The following DCAF10 variants were observed in gnomAD, a reference collection of about 807,000 sequenced individuals.
The protein encoded by DCAF10 is DDB1- and CUL4-associated factor 10.
A neutral mutation model predicts 51.9 loss-of-function variants in DCAF10; 19 were observed. The observed-to-expected ratio is 0.37, with a 90% CI of 0.26 to 0.54. The LOEUF is 0.54. DCAF10 is among the 20% of genes least tolerant of loss of function. The pLI, the probability that DCAF10 is intolerant of heterozygous loss-of-function variation, is 0.87. For missense variants in DCAF10, 510 were observed against 730.6 expected (o/e 0.70, Z 3.48); for synonymous variants, 291 against 297.1 (o/e 0.98, Z 0.21).
chr9:37,806,009 G>A (rs113755363), intron 1 of DCAF10, among the ~76,000 whole-genome samples: 19,493 of 152,166 alleles, frequency 0.13, 1,413 homozygotes, highest in Non-Finnish European at 0.16. Context: ...ACTTGAGCTC[G>A]GAAGGTGGAG....
rs1395497734 is a variant in DCAF10 at position 37,867,348 on chromosome 9, TCTCC to T, written c.*5844_*5847del. ...GGTAGATTTTCAGCTTTCTTAAGTT[TCTCC>T]CTCATTTAGATTTCATGGTTTTTAC... On this transcript the variant is annotated 3_prime_UTR_variant, in exon 7 of 7. Transcript: ENST00000377724. 2.6e-5 allele frequency: 4 copies of T among 152,162 alleles called. No individual in the cohort carries two copies. Among genetic ancestry groups the T allele is most frequent in the Admixed American group, 2.6e-4 (4 of 15,262 alleles). The allele number at this position is 152,162 out of a possible 1,614,324, so 9.4% of individuals were successfully genotyped here. A position where few individuals can be genotyped will look rare whatever the true frequency, so the allele number is the denominator to read the frequency against.
At chr9:37,847,518 A>C (rs1830514941) in intron 3 of DCAF10, among the ~76,000 whole-genome samples, 1 of 152,184 alleles carries the variant, frequency 6.6e-6, no homozygotes. Flanking sequence ...TTGTGATAAA[A>C]CTAGGCATAA....
In DCAF10 at chr9:37,860,151, G is replaced by C. The variant is rs1158545188; in HGVS notation, c.1269G>C (p.Trp423Cys). 6.2e-7 allele frequency: 1 copy of C among 1,613,918 alleles called. No homozygotes were observed. The highest frequency in any genetic ancestry group is 2.2e-5 in the East Asian group (1 of 44,886). ...ITSLQLHPKG[W>C]ATLLRCSSNS... ...CCTTACAGCTGCACCCAAAAGGCTG[G>C]GCCACTCTTCTTCGGTGCTCAAGCA... The change falls in exon 6 of 7, where the codon TGG becomes TGC. Residue 423 changes from tryptophan (W) to cysteine (C), a missense_variant. Trp to Cys is a radical substitution (Grantham distance 215). Transcript: ENST00000377724.
upstream of DCAF10, chr9:37,800,779 C>G: frequency 2.0e-6 from 3 of 1,521,568 alleles, no homozygotes; most frequent in Middle Eastern, 1.8e-4. Context: ...GGTTAGGCCG[C>G]TGCACGCCGG....
chr9:37,818,355 T>C (rs1829606444), intron 1 of DCAF10, among the ~76,000 whole-genome samples: 2 of 152,212 alleles, frequency 1.3e-5, no homozygotes, highest in Admixed American at 1.3e-4. Flanking sequence ...TTGTTCTGAA[T>C]AGAAAAGTTT....
intron 3 of DCAF10, among the ~76,000 whole-genome samples, chr9:37,851,017 G>A (rs926664063): frequency 2.0e-5 from 3 of 151,418 alleles, no homozygotes; most frequent in African/African-American, 7.3e-5. Context: ...GCCAAGGCGG[G>A]TGGATCATTT....
At chr9:37,823,355 T>TAAATC (rs1469675006) in intron 2 of DCAF10, among the ~76,000 whole-genome samples, 1 of 152,146 alleles carries the variant, frequency 6.6e-6, no homozygotes, top group East Asian at 1.9e-4. Context: ...AGAGAAAATC[T>TAAATC]TAGAAGCCAC....
chr9:37,857,363 G>A lies in DCAF10; in HGVS notation c.1165+12G>A, dbSNP rs774215644. 6.3e-7 allele frequency: 1 copy of A among 1,577,544 alleles called. No individual in the cohort carries two copies. ...CTCTCAAAGAGAAGGTAGGTTAAAA[G>A]TTGGATTTTATAATCTTGTAACAAC... is the stretch of plus-strand genomic sequence containing the variant. On this transcript the variant is annotated intron_variant, in intron 5 of 6. Transcript: ENST00000377724.
At chr9:37,842,549 G>A (rs1830364480) in intron 3 of DCAF10, among the ~76,000 whole-genome samples, 1 of 152,124 alleles carries the variant, frequency 6.6e-6, no homozygotes, top group Non-Finnish European at 1.5e-5. Flanking sequence ...TGAATTTAAG[G>A]AAAAATATTT....
intron 1 of DCAF10, among the ~76,000 whole-genome samples, chr9:37,805,901 A>G (rs1829099718): frequency 6.6e-6 from 1 of 152,144 alleles, no homozygotes; most frequent in South Asian, 2.1e-4. Flanking sequence ...CCTGGGCAAC[A>G]TAAGGAGACC....
intron 2 of DCAF10, among the ~76,000 whole-genome samples, chr9:37,840,660 T>C (rs1163790600): frequency 5.9e-5 from 9 of 152,204 alleles, no homozygotes; most frequent in Non-Finnish European, 1.3e-4. Flanking sequence ...AATTTATTAC[T>C]GATGAAAAAT....
In DCAF10 at chr9:37,801,221, C is replaced by T; in HGVS notation, c.355C>T (p.Pro119Ser). ...CGGCCTCGGCGCGGGCCTGGGCGGC[C>T]CTGGCGCTAGGCTGTTCGGGTGGCT... Reference protein sequence around the residue: ...RHGLGAGLGGPGARLFGWLKE... With the variant: ...RHGLGAGLGGSGARLFGWLKE... Residue 119 changes from proline (P) to serine (S), a missense_variant, in exon 1 of 7, where the codon CCT becomes TCT. By Grantham distance (74) the Pro-to-Ser change is moderately conservative. Around this residue, in one of 4 missense-constraint regions of DCAF10, gnomAD observed 251 missense variants for 227.9 expected, o/e 1.10. Coordinates refer to ENST00000377724, the MANE Select transcript of DCAF10 (RefSeq NM_024345.5). The surrounding 1 kb of genome is among the most constrained non-coding windows in gnomAD (Gnocchi z 5.5). The T allele has an allele frequency of 6.4e-7, 1 of 1,567,904 alleles. No individual in the cohort carries two copies.
At chr9:37,839,987 G>T (rs975549197) in intron 2 of DCAF10, among the ~76,000 whole-genome samples, 3 of 152,164 alleles carry the variant, frequency 2.0e-5, no homozygotes, top group Non-Finnish European at 4.4e-5. Flanking sequence ...CAGTAAAGTT[G>T]TTCCTTACAG....
At chr9:37,811,231 C>G (rs1354199796) in intron 1 of DCAF10, among the ~76,000 whole-genome samples, 1 of 152,102 alleles carries the variant, frequency 6.6e-6, no homozygotes, top group Non-Finnish European at 1.5e-5. Flanking sequence ...ACTCTGGAGG[C>G]TGAGGTGGGA....
chr9:37,805,686 G>GA (rs972119246), intron 1 of DCAF10, among the ~76,000 whole-genome samples: 18 of 151,700 alleles, frequency 1.2e-4, no homozygotes, highest in African/African-American at 3.9e-4. Flanking sequence ...GAAAGGAAAA[G>GA]AAAAAAAGAC....
At chr9:37,813,198 T>G (rs1350416602) in intron 1 of DCAF10, among the ~76,000 whole-genome samples, 1 of 152,150 alleles carries the variant, frequency 6.6e-6, no homozygotes, top group Non-Finnish European at 1.5e-5. Context: ...ACTCCTGGGC[T>G]CAAGCAATCC....
intron 2 of DCAF10, among the ~76,000 whole-genome samples, chr9:37,826,048 A>G (rs1457177617): frequency 1.3e-5 from 2 of 149,660 alleles, no homozygotes; most frequent in Admixed American, 1.3e-4. Context: ...AGAAAAAAAA[A>G]AAAGTTTAAA....
At chr9:37,800,764 G>T, upstream of DCAF10, 1 of 1,530,310 alleles carries the variant, frequency 6.5e-7, no homozygotes, top group Non-Finnish European at 8.7e-7. Flanking sequence ...GTTTCCAGCC[G>T]GTGGGGTTAG....
Position 37,865,093 on chromosome 9 carries a change from A to C in DCAF10, c.*3585A>C, listed in dbSNP as rs576599773. The C allele has an allele frequency of 1.3e-3, 198 of 151,628 alleles. 1 individual carries two copies. Among genetic ancestry groups the C allele is most frequent in the African/African-American group, 4.6e-3 (191 of 41,324 alleles). The allele number at this position is 151,628 out of a possible 1,614,324, so 9.4% of individuals were successfully genotyped here. A position where few individuals can be genotyped will look rare whatever the true frequency, so the allele number is the denominator to read the frequency against. Reference sequence around the variant, plus strand: ...TCTTCTGGATTTTTTTTTTTTAATTATAGAGCTAGCTTACCGTGTGTATCA... The same window carrying C: ...TCTTCTGGATTTTTTTTTTTTAATTCTAGAGCTAGCTTACCGTGTGTATCA... On this transcript the variant is annotated 3_prime_UTR_variant, in exon 7 of 7. Transcript: ENST00000377724.
Sources: gnomAD v4.1 joint callset for allele counts (sites outside exome capture counted in the v4.1 genomes callset) on GRCh38, gnomAD v4.1.1 for gene constraint, gnomAD v4.1.1 regional missense constraint, Gnocchi (gnomAD v3.1) non-coding constraint, MANE v1.5 for transcripts, NCBI Gene and HGNC (gene_info 2026-07-23, HGNC 2026-07-21) for gene names.